Variants in AQR observed in about 807,000 individuals in gnomAD.
The protein encoded by AQR is RNA helicase aquarius.
Under a neutral mutation model 180.5 loss-of-function variants are expected in AQR, and 61 were observed. The observed-to-expected ratio is 0.34, with a 90% CI of 0.28 to 0.42. AQR has a LOEUF of 0.42. AQR is among the 10% of genes least tolerant of loss of function. The pLI is 1.00. For synonymous variants in AQR, 551 were observed against 588.8 expected (o/e 0.94, Z 0.93); for missense variants, 1,281 against 1,798.3 (o/e 0.71, Z 5.20).
chr15:34,933,079 T>C (rs148825623), intron 10 of AQR, among the ~76,000 whole-genome samples: 1 of 152,248 alleles, frequency 6.6e-6, no homozygotes, highest in African/African-American at 2.4e-5. Flanking sequence ...AAAAGTGGAG[T>C]TGCTCTGAGA....
intron 20 of AQR, among the ~76,000 whole-genome samples, chr15:34,898,088 A>G (rs76525927): frequency 0.018 from 2,782 of 152,346 alleles, 78 homozygotes; most frequent in African/African-American, 0.058. Flanking sequence ...AAGAGAAGAC[A>G]TTCCTGGAAG....
At chr15:34,900,345 TATAA>T (rs1362199541) in intron 20 of AQR, among the ~76,000 whole-genome samples, 1 of 152,254 alleles carries the variant, frequency 6.6e-6, no homozygotes. Context: ...AGTCAAATGC[TATAA>T]ATATATTTAT....
At chr15:34,908,385 G>A (rs1893451265) in intron 17 of AQR, among the ~76,000 whole-genome samples, 3 of 151,918 alleles carry the variant, frequency 2.0e-5, no homozygotes, top group Admixed American at 1.3e-4. Context: ...GCAGTGAGCC[G>A]AGATTGTGCC....
intron 26 of AQR, 104 bp from the exon 27 acceptor site, chr15:34,882,743 T>C: frequency 2.0e-6 from 2 of 991,034 alleles, no homozygotes; most frequent in Admixed American, 5.8e-5. Context: ...AACATAAATA[T>C]ATTATAAACT....
chr15:34,961,294 G>A (rs2050275773), intron 2 of AQR, among the ~76,000 whole-genome samples: 1 of 152,038 alleles, frequency 6.6e-6, no homozygotes, highest in South Asian at 2.1e-4. Flanking sequence ...GAGTGAGGGT[G>A]GGCAGAATGG....
rs551645243 is a variant in AQR at position 34,871,283 on chromosome 15, G to T, written c.3598-361C>A. On this transcript the variant is annotated intron_variant, in intron 30 of 34. Transcript: ENST00000156471. ...GCACTTGGGGAGGCCAAGGCAGACA[G>T]ATCACTTGAGTCCAGGAGTTTGAGA... Among the ~76,000 whole-genome samples, 7 of 152,218 alleles carry T rather than the reference G, an allele frequency of 4.6e-5. No individual in the cohort carries two copies. In the East Asian group the frequency reaches 1.2e-3, roughly 25 times the overall value.
chr15:34,917,441 C>T (rs960488180), intron 15 of AQR, among the ~76,000 whole-genome samples: 8 of 152,062 alleles, frequency 5.3e-5, no homozygotes, highest in African/African-American at 1.4e-4. Context: ...TCAGAGGATG[C>T]GTGAAAAGTG....
intron 9 of AQR, among the ~76,000 whole-genome samples, chr15:34,938,429 A>C (rs1481153537): frequency 6.6e-6 from 1 of 152,102 alleles, no homozygotes; most frequent in Non-Finnish European, 1.5e-5. Context: ...GCTACTCGGG[A>C]GGCTGAGGCA....
In AQR at chr15:34,943,124, T is replaced by C. The variant is rs1472332143; in HGVS notation, c.472-1044A>G. On this transcript the variant is annotated intron_variant, in intron 6 of 34. Coordinates refer to ENST00000156471, the MANE Select transcript of AQR (RefSeq NM_014691.3). ...CCCGCCGGACTTTCTGTAAGAAGTGTGGCAAGCACCAACCCCATAAAGTGA... is the reference window on the plus strand; with the variant it reads ...CCCGCCGGACTTTCTGTAAGAAGTGCGGCAAGCACCAACCCCATAAAGTGA... 2.5e-6 allele frequency: 4 copies of C among 1,611,706 alleles called. No individual in the cohort carries two copies. In the East Asian group the frequency reaches 8.9e-5, roughly 36 times the overall value.
chr15:34,920,160 T>C (rs545644316), intron 14 of AQR, among the ~76,000 whole-genome samples, 172 bp downstream of exon 14: 14 of 152,088 alleles, frequency 9.2e-5, no homozygotes, highest in Non-Finnish European at 1.9e-4. Flanking sequence ...GTAAAGAAAT[T>C]CGAAAGATGA....
intron 24 of AQR, among the ~76,000 whole-genome samples, chr15:34,888,564 G>A (rs1893096321): frequency 6.6e-6 from 1 of 151,928 alleles, no homozygotes; most frequent in Admixed American, 6.6e-5. Flanking sequence ...AGGCTTGGTG[G>A]TGGGTACCTG....
intron 1 of AQR, among the ~76,000 whole-genome samples, chr15:34,966,330 AAAG>A (rs1408279483): frequency 6.6e-6 from 1 of 152,196 alleles, no homozygotes; most frequent in African/African-American, 2.4e-5. Context: ...AATTAAAAAG[AAAG>A]AAGAAGAAAA....
chr15:34,954,440 A>C (rs1159471902), intron 3 of AQR, among the ~76,000 whole-genome samples: 1 of 152,036 alleles, frequency 6.6e-6, no homozygotes, highest in Non-Finnish European at 1.5e-5. Context: ...CAAGTAGCTG[A>C]GACTACAGGC....
chr15:34,882,426 T>TA (rs1892984484), intron 27 of AQR, 76 bp downstream of exon 27: 1 of 1,311,884 alleles, frequency 7.6e-7, no homozygotes, highest in Non-Finnish European at 9.9e-7. Context: ...TAATTATAAA[T>TA]ACGAACTTCA....
chr15:34,929,704 C>T (rs1038130261), intron 12 of AQR, among the ~76,000 whole-genome samples: 14 of 152,190 alleles, frequency 9.2e-5, no homozygotes, highest in African/African-American at 3.4e-4. Context: ...AATCTTTACC[C>T]CCAACAAAAG....
At chr15:34,858,052 T>C (rs930082707) in intron 34 of AQR, among the ~76,000 whole-genome samples, 3 of 152,088 alleles carry the variant, frequency 2.0e-5, no homozygotes, top group South Asian at 2.1e-4. Context: ...GGTGCCATCT[T>C]GGCTCACTGC....
chr15:34,926,191 T>A (rs1595799516), intron 13 of AQR, among the ~76,000 whole-genome samples: 1 of 151,832 alleles, frequency 6.6e-6, no homozygotes, highest in African/African-American at 2.4e-5. Context: ...AATAAAAAAA[T>A]AAAAAAATAG....
chr15:34,909,182 T>C (rs1893461734), intron 17 of AQR, among the ~76,000 whole-genome samples: 1 of 152,172 alleles, frequency 6.6e-6, no homozygotes, highest in Admixed American at 6.5e-5. Flanking sequence ...TGAAAACAGA[T>C]CCATTAAGGG....
At chr15:34,947,521 ATAAT>A (rs1566995495) in intron 5 of AQR, among the ~76,000 whole-genome samples, 57 of 147,816 alleles carry the variant, frequency 3.9e-4, no homozygotes, top group Non-Finnish European at 6.0e-4. Flanking sequence ...AAAAATAATA[ATAAT>A]AATAATAATA....
Sources: gnomAD v4.1 joint callset for allele counts (sites outside exome capture counted in the v4.1 genomes callset) on GRCh38, gnomAD v4.1.1 for gene constraint, MANE v1.5 for transcripts, NCBI Gene and HGNC (gene_info 2026-07-23, HGNC 2026-07-21) for gene names.